The following PLA2G4B variants were observed in gnomAD, a reference collection of about 807,000 sequenced individuals.
PLA2G4B encodes cytosolic phospholipase A2 beta.
Under a neutral mutation model 95.8 loss-of-function variants are expected in PLA2G4B, and 122 were observed. The ratio of observed to expected loss-of-function variants is 1.27; its 90% CI spans 1.10 to 1.48. The LOEUF (loss-of-function observed/expected upper bound fraction) is 1.48, where lower values mean the gene tolerates loss of function less well. Ranked by LOEUF, PLA2G4B falls within the 40% of genes most tolerant of loss-of-function variation. The pLI is 0.00. For synonymous variants in PLA2G4B, 518 were observed against 421.5 expected (o/e 1.23, Z -2.80); for missense variants, 1,158 against 996.2 (o/e 1.16, Z -2.19).
Position 41,845,090 on chromosome 15 carries a change from G to C in PLA2G4B, c.1239+20G>C, listed in dbSNP as rs1199274985. 1 of 1,595,694 alleles carries C rather than the reference G, an allele frequency of 6.3e-7. No individual in the cohort carries two copies. The highest frequency in any genetic ancestry group is 1.1e-5 in the South Asian group (1 of 89,300). On this transcript the variant is annotated intron_variant, in intron 13 of 19. Coordinates refer to ENST00000458483, the MANE Select transcript of PLA2G4B (RefSeq NM_001114633.2). ...GATGAGGTGCGGGGGCTGCGGCCTG[G>C]GGGCAGAGCCAGGGCAAGGGCTGGA... is the stretch of plus-strand genomic sequence containing the variant.
Position 41,844,912 on chromosome 15 carries a change from TTGC to T in PLA2G4B, c.1084_1086del (p.Leu362del). 6.2e-7 allele frequency: 1 copy of T among 1,612,154 alleles called. No individual in the cohort carries two copies. Among genetic ancestry groups the T allele is most frequent in the Non-Finnish European group, 8.5e-7 (1 of 1,179,382 alleles). ...GAAGGACCTGGCAGGGCCCACTGAG[TTGC>T]TGAAGACCCAGGTGACCAAGAACAA... On this transcript the variant is annotated inframe_deletion, in exon 13 of 20. Transcript: ENST00000458483.
chr15:41,846,868 G>A (rs371522700), intron 18 of PLA2G4B, 33 bp downstream of exon 18: 42 of 1,583,966 alleles, frequency 2.7e-5, no homozygotes, highest in Non-Finnish European at 3.2e-5. Flanking sequence ...CCAGGGAGGC[G>A]GTGGGTGGCC....
intron 10 of PLA2G4B, 96 bp from the exon 11 acceptor site, chr15:41,843,580 G>C: frequency 6.5e-7 from 1 of 1,529,778 alleles, no homozygotes; most frequent in South Asian, 1.3e-5. Context: ...GGGGAGAAGA[G>C]GGAGGGCAGT....
chr15:41,845,916 C>A (rs372753185), intron 15 of PLA2G4B, 27 bp from the exon 16 acceptor site: 2 of 1,514,476 alleles, frequency 1.3e-6, no homozygotes, highest in Non-Finnish European at 1.8e-6. Context: ...AGTCGGGGGC[C>A]CTCTTCCCTC....
In PLA2G4B at chr15:41,840,680, T is replaced by C; in HGVS notation, c.219+20T>C. ...CTCAAGGTGGGCCAGGCATCAGCGC[T>C]GACTCTACCCACATCCTCGCCAGCC... is the stretch of plus-strand genomic sequence containing the variant. On this transcript the variant is annotated intron_variant, in intron 3 of 19. Transcript: ENST00000458483. 1 of 1,610,426 alleles carries C rather than the reference T, an allele frequency of 6.2e-7. No homozygotes were observed. The highest frequency in any genetic ancestry group is 8.5e-7 in the Non-Finnish European group (1 of 1,177,904).
chr15:41,842,647 GCTGGAGGAGGC>G (rs1555458072), intron 10 of PLA2G4B, 56 bp downstream of exon 10: 2 of 1,593,820 alleles, frequency 1.3e-6, no homozygotes, highest in Admixed American at 1.9e-5. Flanking sequence ...AGGGTGCGGG[GCTGGAGGAGGC>G]CTGGAGGAGT....
At position 41,842,730 on chromosome 15, in the gene PLA2G4B, G is replaced by A. The variant is rs983566211; in HGVS notation, c.743+139G>A. 316 of 1,344,786 alleles carry A rather than the reference G, an allele frequency of 2.3e-4. 3 individuals are homozygous for A. Among genetic ancestry groups the A allele is most frequent in the Non-Finnish European group, 4.0e-5 (40 of 996,738 alleles). The allele number at this position is 1,344,786 out of a possible 1,614,324, so 83.3% of individuals were successfully genotyped here. A position where few individuals can be genotyped will look rare whatever the true frequency, so the allele number is the denominator to read the frequency against. On this transcript the variant is annotated intron_variant, in intron 10 of 19. Coordinates refer to ENST00000458483, the MANE Select transcript of PLA2G4B (RefSeq NM_001114633.2). ...TCTGAAGGGGCTCAGGCTTGCGCTCGAGGGGGCACGAAGTACTGGGAGGAG... is the reference window on the plus strand; with the variant it reads ...TCTGAAGGGGCTCAGGCTTGCGCTCAAGGGGGCACGAAGTACTGGGAGGAG...
At chr15:41,842,385 T>G in intron 9 of PLA2G4B, 109 bp downstream of exon 9, 1 of 1,552,680 alleles carries the variant, frequency 6.4e-7, no homozygotes, top group African/African-American at 1.4e-5. Context: ...CCTGAGCAGG[T>G]GCTGGGGCCA....
rs142419806 is a variant in PLA2G4B, at chr15:41,840,882, G to T, written c.328G>T (p.Glu110Ter). 1.2e-6 allele frequency: 2 copies of T among 1,613,672 alleles called. No individual in the cohort carries two copies. The highest frequency in any genetic ancestry group is 2.2e-5 in the South Asian group (2 of 91,060). ...GTLRAGEFRR[E>*]SFSLSPQGEG... ...TCTGCGGGCTGGGGAGTTCCGGCGC[G>T]AGAGCTTCTCACTGAGCCCTCAGGC... The change falls in exon 4 of 20, where the codon GAG becomes TAG. Residue 110 changes from glutamate to a stop codon, truncating the protein, a stop_gained. Transcript: ENST00000458483. LOFTEE classifies it high-confidence loss of function.
chr15:41,847,275 G>GC, intron 18 of PLA2G4B, 62 bp from the exon 19 acceptor site: 1 of 1,530,422 alleles, frequency 6.5e-7, no homozygotes, highest in Non-Finnish European at 8.8e-7. Context: ...TCTTACGTCA[G>GC]CCCCAGTGTT....
chr15:41,842,712 G>T, intron 10 of PLA2G4B, 121 bp downstream of exon 10: 1 of 1,479,844 alleles, frequency 6.8e-7, no homozygotes, highest in Non-Finnish European at 9.0e-7. Flanking sequence ...CTCTCTGAAG[G>T]GGCTCAGGCT....
At chr15:41,841,308 G>A (rs1296317993) in intron 6 of PLA2G4B, 35 bp downstream of exon 6, 2 of 1,611,686 alleles carry the variant, frequency 1.2e-6, no homozygotes, top group Non-Finnish European at 8.5e-7. Context: ...GCGGTCTGGG[G>A]TCCCCGGGAC....
Position 41,845,323 on chromosome 15 carries a change from G to A in PLA2G4B, c.1357+3G>A. The A allele has an allele frequency of 6.2e-7, 1 of 1,613,664 alleles. No homozygotes were observed. Among genetic ancestry groups the A allele is most frequent in the African/African-American group, 1.3e-5 (1 of 75,058 alleles). ...CCTGACCACTTTTGAATTTGGGGGT[G>A]AGTGGCCCAAGAGCTGAGACCTGTG... On this transcript the variant is annotated splice_donor_region_variant and intron_variant, in intron 14 of 19. Transcript: ENST00000458483.
In PLA2G4B at chr15:41,840,627, G is replaced by C; in HGVS notation, c.186G>C (p.Gln62His). Residue 62 changes from glutamine (Q) to histidine (H), a missense_variant, in exon 3 of 20, where the codon CAG becomes CAC. Gln to His is a conservative substitution (Grantham distance 24). Transcript: ENST00000458483. ...VKNSSSPVWNQSFHFRIHRQL... is the reference protein window; with the variant it reads ...VKNSSSPVWNHSFHFRIHRQL... ...ACAGCAGTAGCCCTGTCTGGAACCA[G>C]AGCTTTCACTTCAGGATCCACAGGC... 1 of 1,613,986 alleles carries C rather than the reference G, an allele frequency of 6.2e-7. No individual in the cohort carries two copies. The highest frequency in any genetic ancestry group is 8.5e-7 in the Non-Finnish European group (1 of 1,179,992).
chr15:41,847,660 A>G lies in PLA2G4B; in HGVS notation c.2146A>G (p.Thr716Ala). 1 of 1,613,536 alleles carries G rather than the reference A, an allele frequency of 6.2e-7. No homozygotes were observed. The highest frequency in any genetic ancestry group is 8.5e-7 in the Non-Finnish European group (1 of 1,180,002). ...REYSAPGVRRTPEEAAAGEVN... is the reference protein window; with the variant it reads ...REYSAPGVRRAPEEAAAGEVN... ...CACTCTCTCCACAGGGGTCCGGCGG[A>G]CACCCGAGGAGGCGGCAGCTGGGGA... Residue 716 changes from threonine to alanine, a missense_variant, in exon 20 of 20, where the codon ACA (threonine) becomes GCA (alanine). Physicochemically the swap from Thr to Ala is moderately conservative, Grantham distance 58. Coordinates refer to ENST00000458483, the MANE Select transcript of PLA2G4B (RefSeq NM_001114633.2).
chr15:41,845,568 C>T (rs1434410476), intron 14 of PLA2G4B, 70 bp from the exon 15 acceptor site: 1 of 1,588,938 alleles, frequency 6.3e-7, no homozygotes, highest in African/African-American at 1.4e-5. Context: ...AAGCAAAACC[C>T]TGGGTCGGGG....
rs913858126 is a variant in PLA2G4B, at chr15:41,847,223, C to T, written c.1948-114C>T. 1.1e-5 allele frequency: 16 copies of T among 1,457,876 alleles called. No individual in the cohort carries two copies. The African/African-American group carries it at 2.1e-4, about 19-fold the overall frequency. The allele number at this position is 1,457,876 out of a possible 1,614,324, so 90.3% of individuals were successfully genotyped here. Reference sequence around the variant, plus strand: ...TTCCAACGACTGGCTTCATAGGCCCCACTGGAGACCGTTTTGGCATTTGAG... The same window carrying T: ...TTCCAACGACTGGCTTCATAGGCCCTACTGGAGACCGTTTTGGCATTTGAG... On this transcript the variant is annotated intron_variant, in intron 18 of 19. Transcript: ENST00000458483.
At chr15:41,844,022 G>A (rs1192261522) in intron 11 of PLA2G4B, among the ~76,000 whole-genome samples, 5 of 152,228 alleles carry the variant, frequency 3.3e-5, no homozygotes, top group African/African-American at 1.2e-4. Context: ...ACCTCATAGG[G>A]CTGGCTTTCC....
At position 41,846,021 on chromosome 15, in the gene PLA2G4B, G is replaced by A. The variant is rs538638084; in HGVS notation, c.1574G>A (p.Arg525His). Reference sequence around the variant, plus strand: ...TCAGAGCCCAGCCAGTTCTGGGACCGCTGGGTCAGGAACCAGGCCAACCTG... The same window carrying A: ...TCAGAGCCCAGCCAGTTCTGGGACCACTGGGTCAGGAACCAGGCCAACCTG... ...WASEPSQFWDRWVRNQANLDK... is the reference protein window; with the variant it reads ...WASEPSQFWDHWVRNQANLDK... Residue 525 changes from arginine to histidine, a missense_variant, in exon 16 of 20, where the codon CGC (arginine) becomes CAC (histidine). Arg to His is a conservative substitution (Grantham distance 29). Transcript: ENST00000458483. 1.8e-5 allele frequency: 28 copies of A among 1,540,728 alleles called. No individual in the cohort carries two copies. Among genetic ancestry groups the A allele is most frequent in the East Asian group, 9.0e-5 (4 of 44,232 alleles).
Sources: gnomAD v4.1 joint callset for allele counts (sites outside exome capture counted in the v4.1 genomes callset) on GRCh38, gnomAD v4.1.1 for gene constraint, MANE v1.5 for transcripts, NCBI Gene and HGNC (gene_info 2026-07-23, HGNC 2026-07-21) for gene names.